GLIS3: variants seen among roughly 807,000 people sequenced by gnomAD.
GLIS3 encodes the protein GLIS family zinc finger 3, also known as zinc finger protein GLIS3.
A neutral mutation model predicts 78.6 loss-of-function variants in GLIS3; 53 were observed. The ratio of observed to expected loss-of-function variants is 0.67; its 90% CI spans 0.54 to 0.85. GLIS3 has a LOEUF of 0.85. Among genes scored for constraint, GLIS3 ranks in the 40% least tolerant of loss-of-function variants. The pLI, the probability that GLIS3 is intolerant of heterozygous loss-of-function variation, is 0.00. For synonymous variants in GLIS3, 684 were observed against 509.9 expected, an observed-to-expected ratio of 1.34 and a Z score of -4.60; for missense variants, 1,703 against 1,231.1, an observed-to-expected ratio of 1.38 and a Z score of -5.74.
At chr9:4,445,178 T>C in the GLIS3 span, among the ~76,000 whole-genome samples, 2 of 152,190 alleles carry the variant, frequency 1.3e-5, no homozygotes, top group Admixed American at 6.5e-5. Flanking sequence ...CCTCAGTTTA[T>C]TCATGTGGTC....
At chr9:4,189,511 T>A (rs974031626) in intron 2 of GLIS3, among the ~76,000 whole-genome samples, 3 of 152,204 alleles carry the variant, frequency 2.0e-5, no homozygotes, top group Non-Finnish European at 4.4e-5. Flanking sequence ...CTATTAGGTC[T>A]GCTTGGTGCA....
At chr9:3,888,338 C>T (rs561378993) in intron 7 of GLIS3, among the ~76,000 whole-genome samples, 24 of 152,194 alleles carry the variant, frequency 1.6e-4, no homozygotes, top group Non-Finnish European at 3.2e-4. Context: ...TATTTCCTCC[C>T]TTTCAGAGCA....
At chr9:4,167,491 C>A (rs1476023919) in intron 2 of GLIS3, among the ~76,000 whole-genome samples, 1 of 152,174 alleles carries the variant, frequency 6.6e-6, no homozygotes, top group Non-Finnish European at 1.5e-5. Context: ...AGGCTCTGAG[C>A]CACTTGAAGA....
At chr9:4,153,937 C>A (rs750210426) in intron 2 of GLIS3, among the ~76,000 whole-genome samples, 2 of 152,212 alleles carry the variant, frequency 1.3e-5, no homozygotes, top group African/African-American at 2.4e-5. Flanking sequence ...ACTGCAGTCA[C>A]ATGTCACCTA....
rs897368165 is a variant in GLIS3, at chr9:3,824,801, C to A, written c.*3471G>T. The A allele has an allele frequency of 2.0e-5, 3 of 152,266 alleles. No homozygotes were observed. The highest frequency in any genetic ancestry group is 7.3e-5 in the African/African-American group (3 of 41,356). The allele number at this position is 152,266 out of a possible 1,614,324, so 9.4% of individuals were successfully genotyped here. ...GAAAACAGATTTCCACTTTTTTCCCCCAAAGTGCTTTATGTCAGCAACATT... is the reference window on the plus strand; with the variant it reads ...GAAAACAGATTTCCACTTTTTTCCCACAAAGTGCTTTATGTCAGCAACATT... On this transcript the variant is annotated 3_prime_UTR_variant, in exon 11 of 11. Coordinates refer to ENST00000381971, the MANE Select transcript of GLIS3 (RefSeq NM_001042413.2).
chr9:4,403,490 T>C, the GLIS3 span, among the ~76,000 whole-genome samples: 1 of 152,064 alleles, frequency 6.6e-6, no homozygotes, highest in Non-Finnish European at 1.5e-5. Context: ...CACTCAAAAA[T>C]AATAACTACA....
At chr9:4,318,985 C>G (rs1817479869) in intron 2 of GLIS3, among the ~76,000 whole-genome samples, 1 of 152,134 alleles carries the variant, frequency 6.6e-6, no homozygotes. Flanking sequence ...CAACCTGAAT[C>G]TAATCATAAG....
intron 9 of GLIS3, among the ~76,000 whole-genome samples, chr9:3,853,073 G>A (rs1016954958): frequency 1.8e-4 from 27 of 152,104 alleles, no homozygotes; most frequent in African/African-American, 6.5e-4. Context: ...TTAGCCAGGT[G>A]TGGTGGTGTG....
chr9:4,326,098 G>A (rs189973851), intron 2 of GLIS3, among the ~76,000 whole-genome samples: 2 of 152,236 alleles, frequency 1.3e-5, no homozygotes, highest in Admixed American at 6.5e-5. Flanking sequence ...GCTAATGGAC[G>A]CTGGGCTTAC....
intron 8 of GLIS3, chr9:3,878,480 T>A (rs1821478445): frequency 1.3e-5 from 2 of 152,178 alleles, no homozygotes; most frequent in African/African-American, 4.8e-5. Context: ...TAAAACCACA[T>A]ATTACCAAAC....
At chr9:4,057,058 G>C (rs1248873010) in intron 4 of GLIS3, among the ~76,000 whole-genome samples, 1 of 151,740 alleles carries the variant, frequency 6.6e-6, no homozygotes, top group Non-Finnish European at 1.5e-5. Context: ...ACCACAACTA[G>C]GCTCCTAAAT....
intron 9 of GLIS3, among the ~76,000 whole-genome samples, chr9:3,833,131 T>G (rs911924943): frequency 5.3e-5 from 8 of 152,064 alleles, no homozygotes; most frequent in African/African-American, 1.9e-4. Context: ...GAGGACAGAG[T>G]AGACTCTAAT....
chr9:4,446,851 G>C, the GLIS3 span, among the ~76,000 whole-genome samples: 1 of 151,824 alleles, frequency 6.6e-6, no homozygotes. Context: ...TTCATTGTGT[G>C]ACCTCTGCTT....
rs183366201 is a variant in GLIS3 at position 3,859,757 on chromosome 9, A to C, written c.2298-3573T>G. Among the ~76,000 whole-genome samples, 346 of 152,302 alleles carry C rather than the reference A, an allele frequency of 2.3e-3. 2 individuals carry two copies. The highest frequency in any genetic ancestry group is 3.0e-3 in the Non-Finnish European group (206 of 68,026). On this transcript the variant is annotated intron_variant, in intron 8 of 10. Coordinates refer to ENST00000381971, the MANE Select transcript of GLIS3 (RefSeq NM_001042413.2). ...TTATTAGTCTCTTCTTTAGCCTTTT[A>C]TACTTCTTTGAAACAATAGATGATT...
At chr9:4,433,870 G>A in the GLIS3 span, among the ~76,000 whole-genome samples, 62 of 152,330 alleles carry the variant, frequency 4.1e-4, no homozygotes, top group African/African-American at 1.3e-3. Flanking sequence ...GCCAAGGCAG[G>A]TGGATCATGA....
chr9:4,322,043 G>A (rs1022724326), intron 2 of GLIS3, among the ~76,000 whole-genome samples: 3 of 151,870 alleles, frequency 2.0e-5, no homozygotes, highest in African/African-American at 4.8e-5. Flanking sequence ...CCGAGCCCAC[G>A]ACAGGCCCTG....
At chr9:4,162,123 T>C (rs1835527949) in intron 2 of GLIS3, among the ~76,000 whole-genome samples, 1 of 152,176 alleles carries the variant, frequency 6.6e-6, no homozygotes, top group Non-Finnish European at 1.5e-5. Context: ...TATAGATATG[T>C]GATCTCCCAT....
intron 2 of GLIS3, among the ~76,000 whole-genome samples, chr9:4,271,949 T>G (rs899591083): frequency 2.0e-5 from 3 of 152,156 alleles, no homozygotes; most frequent in Non-Finnish European, 4.4e-5. Flanking sequence ...CTTCATTTTC[T>G]TAATCTAATA....
At chr9:3,951,864 A>ACACACACACACACG in intron 4 of GLIS3, among the ~76,000 whole-genome samples, 1 of 150,382 alleles carries the variant, frequency 6.6e-6, no homozygotes, top group Non-Finnish European at 1.5e-5. Flanking sequence ...ACACACACAC[A>ACACACACACACACG]CACACACACA....
Sources: gnomAD v4.1 joint callset for allele counts (sites outside exome capture counted in the v4.1 genomes callset) on GRCh38, gnomAD v4.1.1 for gene constraint, MANE v1.5 for transcripts, NCBI Gene and HGNC (gene_info 2026-07-23, HGNC 2026-07-21) for gene names.